Variants in ACYP1 observed in about 807,000 individuals in gnomAD.
ACYP1 encodes the protein acylphosphatase-1.
A neutral mutation model predicts 10.4 loss-of-function variants in ACYP1; 8 were observed. That is an observed-to-expected ratio of 0.77 (90% CI 0.45 to 1.38). The LOEUF is 1.38. Among genes scored for constraint, ACYP1 ranks in the 40% most tolerant of loss-of-function variants. The probability of loss-of-function intolerance (pLI) is 0.00; values close to 1 mark genes in which losing one functional copy is unlikely to be tolerated. For synonymous variants in ACYP1, 38 were observed against 40.8 expected, an observed-to-expected ratio of 0.93 and a Z score of 0.26; for missense variants, 93 against 117.3, an observed-to-expected ratio of 0.79 and a Z score of 0.96.
At chr14:75,055,521 C>T (rs1892856377) in intron 2 of ACYP1, among the ~76,000 whole-genome samples, 1 of 151,386 alleles carries the variant, frequency 6.6e-6, no homozygotes, top group African/African-American at 2.4e-5. Context: ...GTTATTGACT[C>T]ATGTTCAGTT....
intron 2 of ACYP1, among the ~76,000 whole-genome samples, chr14:75,057,988 A>AAAAC (rs59726466): frequency 6.8e-6 from 1 of 147,118 alleles, no homozygotes; most frequent in African/African-American, 2.5e-5. Flanking sequence ...AAAAAAAAAA[A>AAAAC]GAACTACCTG....
At chr14:75,063,863 TCCCTGCTACTAACTCCCAGAATC>T (rs1312778573) in intron 1 of ACYP1, 68 bp downstream of exon 1, 7 of 923,032 alleles carry the variant, frequency 7.6e-6, no homozygotes, top group Admixed American at 4.6e-5. Flanking sequence ...CTACCAGAAT[TCCCTGCTACTAACTCCCAGAATC>T]CCCTGCTACT....
upstream of ACYP1, among the ~76,000 whole-genome samples, chr14:75,065,408 G>C (rs1241283905): frequency 1.3e-5 from 2 of 152,184 alleles, no homozygotes; most frequent in Non-Finnish European, 2.9e-5. Context: ...AGTGCTGAGA[G>C]GTGGGGGGTT....
chr14:75,064,170 A>G (rs1234809114), upstream of ACYP1: 1 of 325,582 alleles, frequency 3.1e-6, no homozygotes, highest in Admixed American at 6.4e-5. Flanking sequence ...CCGGCAACCC[A>G]AAAGCTTTGG....
exon 1 of ACYP1, chr14:75,069,455 G>A (rs1893244982): frequency 5.4e-6 from 3 of 555,022 alleles, no homozygotes; most frequent in Admixed American, 3.9e-5. Flanking sequence ...CAAGGGCAGG[G>A]CTGGACCGAG....
chr14:75,062,458 A>G (rs1354947127), intron 2 of ACYP1, among the ~76,000 whole-genome samples: 1 of 151,890 alleles, frequency 6.6e-6, no homozygotes. Flanking sequence ...TGTTTCAAAG[A>G]TTCCTTCCAG....
At chr14:75,065,256 C>T (rs1396160565), upstream of ACYP1, among the ~76,000 whole-genome samples, 2 of 152,198 alleles carry the variant, frequency 1.3e-5, no homozygotes, top group Admixed American at 6.5e-5. Context: ...CTCTTCATAA[C>T]GTAAAGACTC....
upstream of ACYP1, among the ~76,000 whole-genome samples, chr14:75,066,601 C>T (rs1444562447): frequency 1.3e-5 from 2 of 152,138 alleles, no homozygotes; most frequent in African/African-American, 2.4e-5. Context: ...CGTGATGGCT[C>T]ACGTTTGTAA....
chr14:75,069,037 T>G (rs1172954566), intron 1 of ACYP1, among the ~76,000 whole-genome samples: 1 of 152,242 alleles, frequency 6.6e-6, no homozygotes, highest in Non-Finnish European at 1.5e-5. Context: ...GAGTCATTCC[T>G]GGGCCCTAAG....
At chr14:75,062,452 T>C (rs1010273916) in intron 2 of ACYP1, among the ~76,000 whole-genome samples, 1 of 151,768 alleles carries the variant, frequency 6.6e-6, no homozygotes, top group Non-Finnish European at 1.5e-5. Context: ...CATTCATGTT[T>C]CAAAGATTCC....
At chr14:75,067,968 CA>C (rs1286723284), upstream of ACYP1, among the ~76,000 whole-genome samples, 1 of 152,040 alleles carries the variant, frequency 6.6e-6, no homozygotes, top group Non-Finnish European at 1.5e-5. Context: ...CACTGCACTT[CA>C]GCCTGGGCAA....
intron 2 of ACYP1, 24 bp from the exon 3 acceptor site, chr14:75,053,683 A>C: frequency 6.3e-7 from 1 of 1,599,122 alleles, no homozygotes; most frequent in Non-Finnish European, 8.6e-7. Context: ...AAAGAGAGAG[A>C]GATCCAGTGA....
At chr14:75,061,539 A>T (rs1046447246) in intron 2 of ACYP1, 3 of 423,848 alleles carry the variant, frequency 7.1e-6, no homozygotes, top group Non-Finnish European at 1.2e-5. Flanking sequence ...GTTTTTCTGC[A>T]TTCTGTTATT....
At chr14:75,063,623 G>A in intron 1 of ACYP1, 62 bp from the exon 2 acceptor site, 1 of 1,382,206 alleles carries the variant, frequency 7.2e-7, no homozygotes, top group East Asian at 2.3e-5. Context: ...GCAAGCCTGA[G>A]TCAGAAAGGG....
chr14:75,061,888 G>A, intron 2 of ACYP1: 1 of 517,336 alleles, frequency 1.9e-6, no homozygotes, highest in South Asian at 2.9e-5. Context: ...GATCACCTGA[G>A]GTTGGGAGTT....
At chr14:75,066,076 A>G (rs1450526065), upstream of ACYP1, among the ~76,000 whole-genome samples, 1 of 152,196 alleles carries the variant, frequency 6.6e-6, no homozygotes, top group Non-Finnish European at 1.5e-5. Flanking sequence ...ATTGCTTTCC[A>G]AGTAGTCTTA....
At chr14:75,068,839 T>A (rs1258497546), upstream of ACYP1, among the ~76,000 whole-genome samples, 3 of 152,286 alleles carry the variant, frequency 2.0e-5, no homozygotes, top group South Asian at 4.1e-4. Context: ...TCCATGTGCA[T>A]GAATTGAGTA....
At chr14:75,063,282 G>A (rs1018927727) in intron 2 of ACYP1, 188 bp downstream of exon 2, 1 of 584,598 alleles carries the variant, frequency 1.7e-6, no homozygotes, top group African/African-American at 1.9e-5. Flanking sequence ...TAACAGCAGG[G>A]TGATCTTCCA....
intron 2 of ACYP1, chr14:75,060,251 T>C (rs1457992572): frequency 1.4e-6 from 1 of 693,828 alleles, no homozygotes; most frequent in African/African-American, 1.8e-5. Flanking sequence ...TCCTTTTAAA[T>C]TCATTAATAC....
Sources: gnomAD v4.1 joint callset for allele counts (sites outside exome capture counted in the v4.1 genomes callset) on GRCh38, gnomAD v4.1.1 for gene constraint, MANE v1.5 for transcripts, NCBI Gene and HGNC (gene_info 2026-07-23, HGNC 2026-07-21) for gene names.